CDH18: variants seen among roughly 807,000 people sequenced by gnomAD.
The protein encoded by CDH18 is cadherin 18.
In CDH18, 31 loss-of-function variants were observed where a neutral mutation model predicts 67.9. That is an observed-to-expected ratio of 0.46 (90% CI 0.34 to 0.62). The LOEUF is 0.62. Among genes scored for constraint, CDH18 ranks in the 20% least tolerant of loss-of-function variants. The pLI, the probability that CDH18 is intolerant of heterozygous loss-of-function variation, is 0.01. For synonymous variants in CDH18, 362 were observed against 347.2 expected (o/e 1.04, Z -0.48); for missense variants, 890 against 975.5 (o/e 0.91, Z 1.17).
intron 2 of CDH18, among the ~76,000 whole-genome samples, chr5:20,033,359 C>A (rs1739566669): frequency 6.6e-6 from 1 of 152,004 alleles, no homozygotes; most frequent in South Asian, 2.1e-4. Flanking sequence ...ATCAAACAGC[C>A]TAGAGCACAG....
At chr5:19,962,071 T>C (rs186785158) in intron 2 of CDH18, among the ~76,000 whole-genome samples, 61 of 152,130 alleles carry the variant, frequency 4.0e-4, no homozygotes, top group Non-Finnish European at 6.9e-4. Context: ...GTACATTATT[T>C]TGTTTGAAGA....
rs975107278 is a variant in CDH18, at chr5:19,839,001, C to G, written c.-15G>C. On this transcript the variant is annotated 5_prime_UTR_variant, in exon 3 of 13. Coordinates refer to ENST00000382275, the MANE Select transcript of CDH18 (RefSeq NM_004934.5). ...GTAATTTTCATTGTAAGATAACTTTCCAGTTCACAGTTTTCCTTCCTTTCC... is the reference window on the plus strand; with the variant it reads ...GTAATTTTCATTGTAAGATAACTTTGCAGTTCACAGTTTTCCTTCCTTTCC... The G allele has an allele frequency of 3.1e-6, 5 of 1,597,190 alleles. No homozygotes were observed. Among genetic ancestry groups the G allele is most frequent in the African/African-American group, 1.3e-5 (1 of 74,594 alleles).
At chr5:20,078,695 T>C (rs955840959) in intron 2 of CDH18, among the ~76,000 whole-genome samples, 1 of 151,706 alleles carries the variant, frequency 6.6e-6, no homozygotes, top group Non-Finnish European at 1.5e-5. Context: ...CCCCGCCTCC[T>C]GGGTTCAAGC....
upstream of CDH18, among the ~76,000 whole-genome samples, chr5:19,988,385 C>A (rs1250986083): frequency 6.6e-6 from 1 of 152,048 alleles, no homozygotes; most frequent in Non-Finnish European, 1.5e-5. Flanking sequence ...CCCCCCCAAC[C>A]CCCCACCGTG....
intron 2 of CDH18, among the ~76,000 whole-genome samples, chr5:20,180,243 C>T (rs140556443): frequency 0.011 from 1,692 of 152,124 alleles, 18 homozygotes; most frequent in Middle Eastern, 0.024. Flanking sequence ...GGACTCATGG[C>T]GGGGGCACCT....
intron 1 of CDH18, among the ~76,000 whole-genome samples, chr5:19,982,529 T>C (rs1799161764): frequency 1.3e-5 from 2 of 152,266 alleles, no homozygotes; most frequent in South Asian, 4.2e-4. Context: ...TAATTTTAAC[T>C]TATTAAAGAG....
intron 1 of CDH18, among the ~76,000 whole-genome samples, chr5:20,471,653 T>A (rs75865917): frequency 6.6e-6 from 1 of 151,004 alleles, no homozygotes; most frequent in Non-Finnish European, 1.5e-5. Flanking sequence ...TACAAAAAAA[T>A]TAGCTGGGTA....
At chr5:20,372,884 C>G (rs911282921) in intron 1 of CDH18, among the ~76,000 whole-genome samples, 1 of 151,738 alleles carries the variant, frequency 6.6e-6, no homozygotes, top group African/African-American at 2.4e-5. Context: ...AATCTAGATT[C>G]TATCATCTGG....
At chr5:20,503,029 A>G (rs896149571) in intron 1 of CDH18, among the ~76,000 whole-genome samples, 6 of 152,254 alleles carry the variant, frequency 3.9e-5, no homozygotes, top group African/African-American at 1.4e-4. Flanking sequence ...TCTTACACAG[A>G]CAGAGAAAGC....
intron 5 of CDH18, among the ~76,000 whole-genome samples, chr5:19,668,654 G>C (rs1033278418): frequency 1.3e-5 from 2 of 152,032 alleles, no homozygotes; most frequent in African/African-American, 4.8e-5. Context: ...GTGTGAATGA[G>C]TTTTTATTTT....
intron 2 of CDH18, among the ~76,000 whole-genome samples, chr5:20,107,738 C>A (rs1322834106): frequency 6.6e-6 from 1 of 151,952 alleles, no homozygotes; most frequent in Non-Finnish European, 1.5e-5. Context: ...TTCTGCATTC[C>A]CAGTGTTTTT....
At chr5:19,669,293 T>C (rs1034818503) in intron 5 of CDH18, among the ~76,000 whole-genome samples, 1 of 147,558 alleles carries the variant, frequency 6.8e-6, no homozygotes, top group African/African-American at 2.5e-5. Context: ...AAATATTATA[T>C]AATATATATA....
intron 1 of CDH18, among the ~76,000 whole-genome samples, chr5:20,480,376 T>C (rs1752707771): frequency 6.6e-6 from 1 of 152,046 alleles, no homozygotes; most frequent in Non-Finnish European, 1.5e-5. Context: ...TAGTAACAAA[T>C]AGTTCAATAA....
chr5:20,037,225 T>G (rs1739956049), intron 2 of CDH18, among the ~76,000 whole-genome samples: 1 of 152,096 alleles, frequency 6.6e-6, no homozygotes, highest in Non-Finnish European at 1.5e-5. Context: ...CTCTTTACAA[T>G]TTGGTATGTT....
intron 1 of CDH18, among the ~76,000 whole-genome samples, chr5:20,537,078 C>T (rs1351589134): frequency 6.6e-6 from 1 of 152,058 alleles, no homozygotes; most frequent in African/African-American, 2.4e-5. Flanking sequence ...GCAACAGGCT[C>T]CAGCCCATTG....
At chr5:19,773,220 G>A (rs1773922836) in intron 3 of CDH18, among the ~76,000 whole-genome samples, 1 of 152,038 alleles carries the variant, frequency 6.6e-6, no homozygotes, top group Non-Finnish European at 1.5e-5. Context: ...GAAATCCAAA[G>A]ACAAATGGAA....
At chr5:20,361,418 A>T (rs1562003291) in intron 1 of CDH18, among the ~76,000 whole-genome samples, 1 of 152,104 alleles carries the variant, frequency 6.6e-6, no homozygotes. Flanking sequence ...GTCCAATTTA[A>T]TGTCTTCAAT....
At chr5:20,300,833 C>G (rs1219736128) in intron 1 of CDH18, among the ~76,000 whole-genome samples, 1 of 152,154 alleles carries the variant, frequency 6.6e-6, no homozygotes, top group Non-Finnish European at 1.5e-5. Context: ...AACAAGTCAA[C>G]TTATTTTAAA....
chr5:20,370,641 A>C (rs1317382966), intron 1 of CDH18, among the ~76,000 whole-genome samples: 1 of 152,238 alleles, frequency 6.6e-6, no homozygotes, highest in Non-Finnish European at 1.5e-5. Flanking sequence ...TGACAGATAC[A>C]GGAGAGAATG....
Sources: allele counts gnomAD v4.1 joint callset (sites outside exome capture counted in the v4.1 genomes callset), GRCh38; gene constraint gnomAD v4.1.1; transcripts MANE v1.5; gene names NCBI Gene and HGNC (gene_info 2026-07-23, HGNC 2026-07-21).